The following CSPP1 variants were observed in gnomAD, a reference collection of about 807,000 sequenced individuals.
CSPP1 encodes centrosome and spindle pole-associated protein 1.
Under a neutral mutation model 164.4 loss-of-function variants are expected in CSPP1, and 126 were observed. The observed-to-expected ratio is 0.77, with a 90% CI of 0.66 to 0.89. The LOEUF (loss-of-function observed/expected upper bound fraction) is 0.89, where lower values mean the gene tolerates loss of function less well. Ranked by LOEUF, CSPP1 falls within the 40% of genes least tolerant of loss-of-function variation. The probability of loss-of-function intolerance (pLI) is 0.00; values close to 1 mark genes in which losing one functional copy is unlikely to be tolerated. For synonymous variants in CSPP1, 472 were observed against 476.7 expected (o/e 0.99, Z 0.13); for missense variants, 1,395 against 1,449.8 (o/e 0.96, Z 0.61).
At chr8:67,188,310 A>G (rs527330631) in intron 28 of CSPP1, among the ~76,000 whole-genome samples, 6 of 152,352 alleles carry the variant, frequency 3.9e-5, no homozygotes, top group African/African-American at 1.4e-4. Context: ...ATCTAGGCCG[A>G]CTAAGAATTC....
intron 25 of CSPP1, 63 bp downstream of exon 25, chr8:67,172,618 A>G (rs1830695211): frequency 1.5e-6 from 2 of 1,361,494 alleles, no homozygotes; most frequent in Non-Finnish European, 2.0e-6. Flanking sequence ...TTAAATATCT[A>G]TAAAGATCTT....
chr8:67,073,921 C>CT (rs994121540), intron 1 of CSPP1, among the ~76,000 whole-genome samples: 9 of 151,524 alleles, frequency 5.9e-5, no homozygotes, highest in African/African-American at 9.7e-5. Context: ...TTAAAAAAAA[C>CT]TTTTTTTTTG....
At chr8:67,139,658 CA>C (rs1357355170) in intron 17 of CSPP1, among the ~76,000 whole-genome samples, 1 of 152,184 alleles carries the variant, frequency 6.6e-6, no homozygotes, top group Non-Finnish European at 1.5e-5. Context: ...GAATACTATG[CA>C]GCCATAAAAA....
At chr8:67,147,262 G>A (rs1051825864) in intron 17 of CSPP1, among the ~76,000 whole-genome samples, 7 of 152,194 alleles carry the variant, frequency 4.6e-5, no homozygotes, top group African/African-American at 7.2e-5. Context: ...TGGCAACACA[G>A]CTGTAGATTA....
chr8:67,103,650 A>G (rs1184147610), intron 8 of CSPP1, among the ~76,000 whole-genome samples: 2 of 151,442 alleles, frequency 1.3e-5, no homozygotes, highest in African/African-American at 4.8e-5. Context: ...AAATACAAAA[A>G]AAAAAAAGAA....
At chr8:67,123,893 C>T (rs1275219141) in intron 15 of CSPP1, among the ~76,000 whole-genome samples, 3 of 151,290 alleles carry the variant, frequency 2.0e-5, no homozygotes, top group East Asian at 1.9e-4. Flanking sequence ...CATGAGCCAC[C>T]GCGGCCAGGC....
intron 9 of CSPP1, among the ~76,000 whole-genome samples, chr8:67,109,641 T>C (rs1816402579): frequency 6.6e-6 from 1 of 152,198 alleles, no homozygotes; most frequent in Non-Finnish European, 1.5e-5. Context: ...CATTTCTCTG[T>C]TACTAATGTT....
intron 29 of CSPP1, among the ~76,000 whole-genome samples, chr8:67,191,497 CT>C (rs893980881): frequency 6.6e-6 from 1 of 152,122 alleles, no homozygotes; most frequent in Admixed American, 6.5e-5. Context: ...ATAGATGTGC[CT>C]TTTCTGGACA....
At chr8:67,116,231 A>C in intron 13 of CSPP1, 109 bp downstream of exon 13, 1 of 740,874 alleles carries the variant, frequency 1.3e-6, no homozygotes, top group Non-Finnish European at 2.2e-6. Context: ...GATTTTGTAC[A>C]GTTAACAGTT....
At chr8:67,083,562 T>TAA (rs1809765879) in intron 3 of CSPP1, 1 of 140,152 alleles carries the variant, frequency 7.1e-6, no homozygotes, top group African/African-American at 2.7e-5. Flanking sequence ...TATATATATA[T>TAA]ATATATATAT....
At chr8:67,098,159 C>T (rs1394766948) in intron 7 of CSPP1, among the ~76,000 whole-genome samples, 1 of 151,336 alleles carries the variant, frequency 6.6e-6, no homozygotes, top group East Asian at 1.9e-4. Context: ...AACTGAGTTT[C>T]ATCTCTTGCT....
chr8:67,081,692 A>G (rs1809222070), intron 3 of CSPP1, among the ~76,000 whole-genome samples: 1 of 152,236 alleles, frequency 6.6e-6, no homozygotes. Context: ...TTAATCTTTT[A>G]AAAATGTTTT....
chr8:67,099,055 C>G (rs1044316763), intron 7 of CSPP1, among the ~76,000 whole-genome samples: 1 of 151,130 alleles, frequency 6.6e-6, no homozygotes, highest in Non-Finnish European at 1.5e-5. Context: ...CGATTTTTAC[C>G]TGATCAACTA....
Position 67,118,757 on chromosome 8 carries a change from A to T in CSPP1, c.1633A>T (p.Met545Leu), listed in dbSNP as rs554167197. 2 of 1,610,374 alleles carry T rather than the reference A, an allele frequency of 1.2e-6. No homozygotes were observed. The highest frequency in any genetic ancestry group is 2.2e-5 in the South Asian group (2 of 90,682). ...PSLAYYGSGM[M>L]GVQPAAYVSA... ...TTTTCTTTAAGATGGTTCAGGAATG[A>T]TGGGCGTACAGCCTGCAGCTTATGT... Residue 545 changes from methionine to leucine, a missense_variant, in exon 15 of 31, where the codon ATG becomes TTG. Met to Leu is a conservative substitution (Grantham distance 15). Transcript: ENST00000678616.
intron 25 of CSPP1, chr8:67,174,875 A>C (rs1831240371): frequency 6.3e-6 from 1 of 158,442 alleles, no homozygotes; most frequent in Non-Finnish European, 1.4e-5. Flanking sequence ...TTGGCCAGTA[A>C]CATTATTTTT....
chr8:67,117,276 A>G (rs1306917803), intron 13 of CSPP1, among the ~76,000 whole-genome samples: 3 of 152,214 alleles, frequency 2.0e-5, no homozygotes, highest in Admixed American at 6.5e-5. Flanking sequence ...GTTTAGACAC[A>G]TTGAGTGGCT....
chr8:67,094,942 G>A (rs1470040500), intron 6 of CSPP1, among the ~76,000 whole-genome samples: 1 of 152,100 alleles, frequency 6.6e-6, no homozygotes, highest in African/African-American at 2.4e-5. Context: ...TACTAGTTTT[G>A]GAGATATGGC....
chr8:67,126,002 G>A (rs1819981802), intron 15 of CSPP1, among the ~76,000 whole-genome samples: 2 of 152,032 alleles, frequency 1.3e-5, no homozygotes, highest in Middle Eastern at 3.4e-3. Context: ...TTGGTTAATT[G>A]TGTATTTTTG....
At chr8:67,128,967 T>C (rs138179098) in intron 15 of CSPP1, among the ~76,000 whole-genome samples, 146 of 152,270 alleles carry the variant, frequency 9.6e-4, no homozygotes, top group African/African-American at 3.4e-3. Flanking sequence ...TTTCTGATGA[T>C]TGAATGGTTA....
Sources: gnomAD v4.1 joint callset for allele counts (sites outside exome capture counted in the v4.1 genomes callset) on GRCh38, gnomAD v4.1.1 for gene constraint, MANE v1.5 for transcripts, NCBI Gene and HGNC (gene_info 2026-07-23, HGNC 2026-07-21) for gene names.